Variants in MOB1A observed in about 807,000 individuals in gnomAD.
MOB1A encodes MOB kinase activator 1A.
Under a neutral mutation model 25.1 loss-of-function variants are expected in MOB1A, and 10 were observed. The ratio of observed to expected loss-of-function variants is 0.40; its 90% CI spans 0.25 to 0.68. The LOEUF (loss-of-function observed/expected upper bound fraction) is 0.68, where lower values mean the gene tolerates loss of function less well. Ranked by LOEUF, MOB1A falls within the 30% of genes least tolerant of loss-of-function variation. MOB1A has a pLI of 0.40. For missense variants in MOB1A, 177 were observed against 256.3 expected, an observed-to-expected ratio of 0.69 and a Z score of 2.11; for synonymous variants, 81 against 79.5, an observed-to-expected ratio of 1.02 and a Z score of -0.10.
rs549149670 is a variant in MOB1A at position 74,154,261 on chromosome 2, G to T, written c.*2307C>A. 6.6e-6 allele frequency: 1 copy of T among 151,764 alleles called. No homozygotes were observed. The highest frequency in any genetic ancestry group is 2.1e-4 in the South Asian group (1 of 4,776). 9.4% of individuals were successfully genotyped at this position (151,764 alleles called of 1,614,324 possible). On this transcript the variant is annotated 3_prime_UTR_variant, in exon 6 of 6. Transcript: ENST00000396049. ...AAGGTTGGCCCTCTAGCCAACTCAG[G>T]AAGGCGCCATCCTCTTCCCATTATC...
intron 2 of MOB1A, among the ~76,000 whole-genome samples, chr2:74,171,729 C>T (rs890308439): frequency 4.6e-5 from 7 of 152,100 alleles, no homozygotes; most frequent in Non-Finnish European, 1.0e-4. Context: ...ATGGTGAAAC[C>T]TTGTCTCTAC....
intron 5 of MOB1A, among the ~76,000 whole-genome samples, chr2:74,158,582 C>A (rs1355506578): frequency 6.6e-6 from 1 of 151,876 alleles, no homozygotes; most frequent in Non-Finnish European, 1.5e-5. Context: ...GAGTTCGAGA[C>A]CAGCCTGGCC....
At chr2:74,163,465 C>T (rs1693033011) in intron 4 of MOB1A, among the ~76,000 whole-genome samples, 1 of 151,954 alleles carries the variant, frequency 6.6e-6, no homozygotes, top group African/African-American at 2.4e-5. Flanking sequence ...AATGAGACCT[C>T]ATCTCTACAA....
intron 4 of MOB1A, among the ~76,000 whole-genome samples, chr2:74,160,194 T>C (rs960438997): frequency 1.5e-4 from 23 of 152,162 alleles, no homozygotes; most frequent in African/African-American, 5.3e-4. Context: ...TCTAAAGAAA[T>C]TACACTGGCT....
chr2:74,164,138 G>A (rs971644624), intron 4 of MOB1A: 4 of 152,114 alleles, frequency 2.6e-5, no homozygotes, highest in African/African-American at 9.7e-5. Context: ...AATCAGGGGA[G>A]AAAAGGCAAA....
chr2:74,158,558 G>C (rs1299428357), intron 5 of MOB1A, among the ~76,000 whole-genome samples: 2 of 152,054 alleles, frequency 1.3e-5, no homozygotes, highest in African/African-American at 4.8e-5. Flanking sequence ...GGGAGGCCGA[G>C]GTGGGTGGAT....
chr2:74,178,742 G>C lies in MOB1A; in HGVS notation c.-68C>G, dbSNP rs1400274247. 6 of 907,956 alleles carry C rather than the reference G, an allele frequency of 6.6e-6. No homozygotes were observed. Among genetic ancestry groups the C allele is most frequent in the African/African-American group, 1.7e-5 (1 of 57,514 alleles). The allele number at this position is 907,956 out of a possible 1,614,324, so 56.2% of individuals were successfully genotyped here. A position where few individuals can be genotyped will look rare whatever the true frequency, so the allele number is the denominator to read the frequency against. On this transcript the variant is annotated 5_prime_UTR_variant, in exon 1 of 6. Coordinates refer to ENST00000396049, the MANE Select transcript of MOB1A (RefSeq NM_018221.5). Reference sequence around the variant, plus strand: ...CTGGATCAGGATTCGGAGCTGGCTAGAGGGAGCGGACCGTCCTTAGCTCAC... The same window carrying C: ...CTGGATCAGGATTCGGAGCTGGCTACAGGGAGCGGACCGTCCTTAGCTCAC...
intron 1 of MOB1A, among the ~76,000 whole-genome samples, chr2:74,175,988 G>A (rs1693443311): frequency 6.6e-6 from 1 of 151,764 alleles, no homozygotes; most frequent in Non-Finnish European, 1.5e-5. Flanking sequence ...GCTCACACCT[G>A]TAATCCCAGC....
chr2:74,159,378 A>G, intron 4 of MOB1A, 124 bp from the exon 5 acceptor site: 1 of 816,186 alleles, frequency 1.2e-6, no homozygotes, highest in Non-Finnish European at 2.0e-6. Context: ...TGCAGCCTCG[A>G]CCTCCTGGGC....
At chr2:74,162,816 A>G (rs1449086155) in intron 4 of MOB1A, among the ~76,000 whole-genome samples, 1 of 152,184 alleles carries the variant, frequency 6.6e-6, no homozygotes, top group East Asian at 1.9e-4. Context: ...TGAAAATGAC[A>G]AGGAGTGATT....
At chr2:74,156,697 T>C in intron 5 of MOB1A, 52 bp from the exon 6 acceptor site, 2 of 1,320,514 alleles carry the variant, frequency 1.5e-6, no homozygotes, top group Admixed American at 2.2e-5. Context: ...ACTGAAACTC[T>C]GTAAATGTCT....
At chr2:74,165,923 A>G (rs1195280972) in intron 3 of MOB1A, among the ~76,000 whole-genome samples, 3 of 152,224 alleles carry the variant, frequency 2.0e-5, no homozygotes, top group Non-Finnish European at 4.4e-5. Flanking sequence ...AGCTTGAATA[A>G]TAAAACTTAA....
At position 74,165,866 on chromosome 2, in the gene MOB1A, G is replaced by T. The variant is rs1301199741; in HGVS notation, c.276-515C>A. Among the ~76,000 whole-genome samples the T allele has an allele frequency of 6.6e-5, 10 of 152,286 alleles. No individual in the cohort carries two copies. The East Asian group carries it at 1.9e-3, about 29-fold the overall frequency. On this transcript the variant is annotated intron_variant, in intron 3 of 5. Coordinates refer to ENST00000396049, the MANE Select transcript of MOB1A (RefSeq NM_018221.5). The stretch of plus-strand genomic sequence containing the variant: ...CAAAACATCACTGTGTAAAGCATTT[G>T]AGCCATAGGTAAGTTTAATTTTCCT...
chr2:74,170,435 C>G (rs1246122218), intron 2 of MOB1A, among the ~76,000 whole-genome samples: 1 of 152,090 alleles, frequency 6.6e-6, no homozygotes, highest in Non-Finnish European at 1.5e-5. Context: ...CCATGCCCGG[C>G]CCTGAATAAA....
Position 74,156,428 on chromosome 2 carries a change from A to G in MOB1A, c.*140T>C. The G allele has an allele frequency of 1.4e-6, 1 of 722,820 alleles. No homozygotes were observed. 44.8% of individuals were successfully genotyped at this position (722,820 alleles called of 1,614,324 possible). A position where few individuals can be genotyped will look rare whatever the true frequency, so the allele number is the denominator to read the frequency against. On this transcript the variant is annotated 3_prime_UTR_variant, in exon 6 of 6. Coordinates refer to ENST00000396049, the MANE Select transcript of MOB1A (RefSeq NM_018221.5). ...ATCACACCAACCTACCTTTGGGATA[A>G]TTTTATCAGTAGACACAGGCAATGG... is the stretch of plus-strand genomic sequence containing the variant.
rs1029145689 is a variant in MOB1A, at chr2:74,152,575, T to C, written c.*3993A>G. On this transcript the variant is annotated 3_prime_UTR_variant, in exon 6 of 6. Transcript: ENST00000396049. ...ATTTAAATAGAAATGTGTGTTGATA[T>C]ACATACTTTAATCAGTCATTTCTTG... The C allele has an allele frequency of 5.3e-5, 8 of 152,246 alleles. No homozygotes were observed. Among genetic ancestry groups the C allele is most frequent in the East Asian group, 1.9e-4 (1 of 5,202 alleles). The allele number at this position is 152,246 out of a possible 1,614,324, so 9.4% of individuals were successfully genotyped here. A position where few individuals can be genotyped will look rare whatever the true frequency, so the allele number is the denominator to read the frequency against.
At chr2:74,168,365 G>A (rs1230947882) in intron 2 of MOB1A, among the ~76,000 whole-genome samples, 1 of 152,184 alleles carries the variant, frequency 6.6e-6, no homozygotes, top group Non-Finnish European at 1.5e-5. Context: ...GCCTTGGAAA[G>A]TTTCAAAAAA....
intron 1 of MOB1A, among the ~76,000 whole-genome samples, chr2:74,176,317 T>C (rs1693459880): frequency 8.1e-6 from 1 of 123,676 alleles, no homozygotes. Flanking sequence ...AAAAGAATGA[T>C]GAAAACACTA....
In MOB1A at chr2:74,165,473, C is replaced by A. The variant is rs940745700; in HGVS notation, c.276-122G>T. On this transcript the variant is annotated intron_variant, in intron 3 of 5. Transcript: ENST00000396049. ...AGTTACATCTAACTTTAATAAATCA[C>A]CTTAAGTTCTACTGAAGATTACTGT... 4 of 538,198 alleles carry A rather than the reference C, an allele frequency of 7.4e-6. No individual in the cohort carries two copies. In the East Asian group the frequency reaches 1.3e-4, roughly 18 times the overall value. The allele number at this position is 538,198 out of a possible 1,614,324, so 33.3% of individuals were successfully genotyped here.
Sources: gnomAD v4.1 joint callset for allele counts (sites outside exome capture counted in the v4.1 genomes callset) on GRCh38, gnomAD v4.1.1 for gene constraint, MANE v1.5 for transcripts, NCBI Gene and HGNC (gene_info 2026-07-23, HGNC 2026-07-21) for gene names.